The following SAMTOR variants were observed in gnomAD, a reference collection of about 807,000 sequenced individuals.
SAMTOR encodes S-adenosylmethionine sensor upstream of mTORC1.
chr7:112,887,578 C>T, the SAMTOR span, among the ~76,000 whole-genome samples: 2 of 152,106 alleles, frequency 1.3e-5, no homozygotes, highest in African/African-American at 4.8e-5. Flanking sequence ...GAGCCTGGTG[C>T]TTCCTGTTTT....
chr7:112,918,889 A>G, the SAMTOR span, among the ~76,000 whole-genome samples: 2 of 152,342 alleles, frequency 1.3e-5, no homozygotes, highest in East Asian at 1.9e-4. Context: ...ATTCAACAAG[A>G]AGAGCTAACT....
the SAMTOR span, chr7:112,820,667 T>C: frequency 2.0e-5 from 3 of 152,042 alleles, no homozygotes; most frequent in African/African-American, 7.2e-5. Flanking sequence ...AAAGGGAAAA[T>C]TCCCACAGCC....
At chr7:112,906,657 C>T in the SAMTOR span, among the ~76,000 whole-genome samples, 4 of 151,726 alleles carry the variant, frequency 2.6e-5, no homozygotes, top group East Asian at 1.9e-4. Flanking sequence ...CAACCTCCTC[C>T]GCCTCCTGGG....
At chr7:112,902,723 T>C in the SAMTOR span, among the ~76,000 whole-genome samples, 2 of 152,068 alleles carry the variant, frequency 1.3e-5, no homozygotes, top group East Asian at 1.9e-4. Context: ...GCTATGCATG[T>C]TTGGGATGGA....
At chr7:112,852,893 A>C in the SAMTOR span, among the ~76,000 whole-genome samples, 1 of 152,042 alleles carries the variant, frequency 6.6e-6, no homozygotes. Flanking sequence ...AGTTTCTTTC[A>C]CTGCCTCAAC....
chr7:112,825,241 G>T, the SAMTOR span, among the ~76,000 whole-genome samples: 1 of 151,512 alleles, frequency 6.6e-6, no homozygotes, highest in African/African-American at 2.4e-5. Context: ...TGCCCAGGAT[G>T]GTCTCGAACT....
chr7:112,916,853 T>A, the SAMTOR span, among the ~76,000 whole-genome samples: 1,623 of 152,212 alleles, frequency 0.011, 30 homozygotes, highest in African/African-American at 0.037. Flanking sequence ...AGCACAGCAG[T>A]CTGAGATCAA....
At chr7:112,871,032 T>C in the SAMTOR span, among the ~76,000 whole-genome samples, 4 of 152,124 alleles carry the variant, frequency 2.6e-5, no homozygotes, top group African/African-American at 4.8e-5. Context: ...ATTCATAAAA[T>C]AATTACTTCT....
At chr7:112,919,721 A>G in the SAMTOR span, among the ~76,000 whole-genome samples, 16,521 of 151,416 alleles carry the variant, frequency 0.11, 1,201 homozygotes, top group Middle Eastern at 0.32. Flanking sequence ...TAAAGAAGAA[A>G]AGAGAGAAGA....
At chr7:112,910,332 T>G in the SAMTOR span, among the ~76,000 whole-genome samples, 1 of 152,282 alleles carries the variant, frequency 6.6e-6, no homozygotes, top group African/African-American at 2.4e-5. Flanking sequence ...TTAATCTGAT[T>G]TTCTGGATAA....
the SAMTOR span, among the ~76,000 whole-genome samples, chr7:112,913,968 G>A: frequency 6.6e-5 from 10 of 152,126 alleles, no homozygotes; most frequent in Admixed American, 5.2e-4. Context: ...CAACTAGCAC[G>A]TAAGCTCTAT....
chr7:112,925,110 C>T, the SAMTOR span, among the ~76,000 whole-genome samples: 3 of 152,166 alleles, frequency 2.0e-5, no homozygotes, highest in Non-Finnish European at 4.4e-5. Flanking sequence ...TTAGCAACAT[C>T]TTTCAGATGT....
chr7:112,854,667 T>G, the SAMTOR span, among the ~76,000 whole-genome samples: 1 of 152,182 alleles, frequency 6.6e-6, no homozygotes, highest in Non-Finnish European at 1.5e-5. Context: ...TTAAGGAACT[T>G]AATTTCTTTA....
the SAMTOR span, among the ~76,000 whole-genome samples, chr7:112,860,525 T>C: frequency 4.3e-4 from 66 of 152,282 alleles, no homozygotes; most frequent in African/African-American, 1.5e-3. Flanking sequence ...AATTATTGAC[T>C]TAATTAAACT....
the SAMTOR span, among the ~76,000 whole-genome samples, chr7:112,833,005 G>C: frequency 6.6e-6 from 1 of 152,040 alleles, no homozygotes; most frequent in East Asian, 1.9e-4. Context: ...TTGAACTCCT[G>C]AGCTCAAGTG....
the SAMTOR span, chr7:112,821,923 T>C: frequency 6.2e-7 from 1 of 1,613,008 alleles, no homozygotes; most frequent in Non-Finnish European, 8.5e-7. Context: ...TCATCTTCTA[T>C]ACTGTTGAAA....
the SAMTOR span, among the ~76,000 whole-genome samples, chr7:112,833,936 A>G: frequency 6.6e-6 from 1 of 151,958 alleles, no homozygotes; most frequent in African/African-American, 2.4e-5. Context: ...CATCCCCCAC[A>G]CCTTTATTTT....
chr7:112,898,926 TTTAGATA>T, the SAMTOR span, among the ~76,000 whole-genome samples: 6 of 152,212 alleles, frequency 3.9e-5, no homozygotes, highest in Middle Eastern at 3.2e-3. Flanking sequence ...TAGGTAATAC[TTTAGATA>T]AACTCTGAAT....
the SAMTOR span, among the ~76,000 whole-genome samples, chr7:112,850,716 CTGA>C: frequency 8.5e-5 from 13 of 152,190 alleles, no homozygotes; most frequent in African/African-American, 3.1e-4. Context: ...CAAGGCATCT[CTGA>C]TGATTTTTTG....
Sources: allele counts gnomAD v4.1 joint callset (sites outside exome capture counted in the v4.1 genomes callset), GRCh38; gene constraint gnomAD v4.1.1; transcripts MANE v1.5; gene names NCBI Gene and HGNC (gene_info 2026-07-23, HGNC 2026-07-21).